The following ISM1 variants were observed in gnomAD, a reference collection of about 807,000 sequenced individuals.
ISM1 encodes the protein isthmin 1.
In ISM1, 25 loss-of-function variants were observed where a neutral mutation model predicts 46.3. The observed-to-expected ratio is 0.54, with a 90% CI of 0.39 to 0.75. ISM1 has a LOEUF of 0.75. Among genes scored for constraint, ISM1 ranks in the 30% least tolerant of loss-of-function variants. The pLI is 0.00. For synonymous variants in ISM1, 255 were observed against 256.7 expected (o/e 0.99, Z 0.06); for missense variants, 536 against 625.4 (o/e 0.86, Z 1.52).
At chr20:13,246,365 T>C (rs1371457177) in intron 1 of ISM1, among the ~76,000 whole-genome samples, 1 of 152,002 alleles carries the variant, frequency 6.6e-6, no homozygotes, top group Non-Finnish European at 1.5e-5. Flanking sequence ...TGAGTGAATA[T>C]TGCATTCTTC....
intron 2 of ISM1, among the ~76,000 whole-genome samples, chr20:13,276,805 G>A (rs375297946): frequency 2.6e-5 from 4 of 152,128 alleles, no homozygotes; most frequent in Admixed American, 1.3e-4. Context: ...ACGAGCCCTC[G>A]CCATTGGAGA....
chr20:13,262,823 C>G (rs2040002724), intron 1 of ISM1, among the ~76,000 whole-genome samples: 1 of 152,184 alleles, frequency 6.6e-6, no homozygotes, highest in African/African-American at 2.4e-5. Flanking sequence ...AGCTCCCTAC[C>G]CAAATGCAAA....
chr20:13,221,784 G>C lies in ISM1; in HGVS notation c.8G>C (p.Arg3Pro). 2 of 1,448,888 alleles carry C rather than the reference G, an allele frequency of 1.4e-6. No homozygotes were observed. The highest frequency in any genetic ancestry group is 1.8e-6 in the Non-Finnish European group (2 of 1,105,976). 89.8% of individuals were successfully genotyped at this position (1,448,888 alleles called of 1,614,324 possible). A position where few individuals can be genotyped will look rare whatever the true frequency, so the allele number is the denominator to read the frequency against. Residue 3 changes from arginine to proline, a missense_variant, in exon 1 of 6, where the codon CGC (arginine) becomes CCC (proline). Coordinates refer to ENST00000262487, the MANE Select transcript of ISM1 (RefSeq NM_080826.2). Reference protein sequence around the residue: MVRLAAELLLLLG... With the variant: MVPLAAELLLLLG... ...GCCGCGCGTCTCAAAAGGATGGTGC[G>C]CCTGGCGGCCGAGCTGCTGCTGCTG...
chr20:13,296,949 C>G (rs2040412681), intron 5 of ISM1, among the ~76,000 whole-genome samples: 1 of 152,080 alleles, frequency 6.6e-6, no homozygotes, highest in African/African-American at 2.4e-5. Context: ...ACCCGGGCAG[C>G]AGAGGTTGCA....
chr20:13,288,653 T>A lies in ISM1; in HGVS notation c.757T>A (p.Ser253Thr). Reference sequence around the variant, plus strand: ...TGGCTACGCGTGCACTGCAACAGAATCGAGGACCTGTGACCGTCCAAACTG... The same window carrying A: ...TGGCTACGCGTGCACTGCAACAGAAACGAGGACCTGTGACCGTCCAAACTG... ...SCGYACTATE[S>T]RTCDRPNCPG... The change falls in exon 4 of 6, where the codon TCG becomes ACG. Residue 253 changes from serine to threonine, a missense_variant. Coordinates refer to ENST00000262487, the MANE Select transcript of ISM1 (RefSeq NM_080826.2). 6.2e-7 allele frequency: 1 copy of A among 1,613,984 alleles called. No homozygotes were observed.
intron 1 of ISM1, among the ~76,000 whole-genome samples, chr20:13,264,522 C>T (rs1239888816): frequency 6.6e-6 from 1 of 152,124 alleles, no homozygotes; most frequent in Non-Finnish European, 1.5e-5. Flanking sequence ...CCTAATTTGC[C>T]CTGTGGCTTG....
Position 13,299,372 on chromosome 20 carries a change from C to T in ISM1, c.1308C>T (p.Ala436=), listed in dbSNP as rs780571258. Residue 436 remains alanine (A), a synonymous_variant, in exon 6 of 6, where the codon GCC becomes GCT. Coordinates refer to ENST00000262487, the MANE Select transcript of ISM1 (RefSeq NM_080826.2). This position sits in a 1 kb window ranked among gnomAD's most constrained non-coding sequence, Gnocchi z 5.8. ...CKGDWSRYNE[A]RPPNNGQKCT... ...GTGACTGGAGCAGGTATAACGAGGC[C>T]CGGCCTCCCAACAACGGACAGAAGT... 6.2e-7 allele frequency: 1 copy of T among 1,613,736 alleles called. No homozygotes were observed. The highest frequency in any genetic ancestry group is 1.1e-5 in the South Asian group (1 of 91,078).
At chr20:13,242,765 G>GGTGAGGTTGGCAGCCATAGCTT (rs796150582) in intron 1 of ISM1, among the ~76,000 whole-genome samples, 42 of 152,288 alleles carry the variant, frequency 2.8e-4, no homozygotes, top group African/African-American at 9.4e-4. Flanking sequence ...AGCCTTGATA[G>GGTGAGGTTGGCAGCCATAGCTT]GTGAGGTTGG....
chr20:13,280,040 G>A (rs937763682), intron 3 of ISM1, 142 bp downstream of exon 3: 35 of 778,124 alleles, frequency 4.5e-5, no homozygotes, highest in East Asian at 1.9e-4. Flanking sequence ...GCTGTCTTCC[G>A]CAGAAGCCCA....
chr20:13,280,147 G>T lies in ISM1; in HGVS notation c.643+249G>T, dbSNP rs534762379. ...TTATCCGAAGAGATAATTTTTTTAG[G>T]ATCTTTGGGGTTCTTTCTGCCTCCC... On this transcript the variant is annotated intron_variant, in intron 3 of 5. Coordinates refer to ENST00000262487, the MANE Select transcript of ISM1 (RefSeq NM_080826.2). Among the ~76,000 whole-genome samples, 74 of 152,172 alleles carry T rather than the reference G, an allele frequency of 4.9e-4. 1 individual carries two copies. Among genetic ancestry groups the T allele is most frequent in the African/African-American group, 1.5e-3 (63 of 41,512 alleles).
chr20:13,267,151 A>G (rs775966222), intron 1 of ISM1, among the ~76,000 whole-genome samples: 49 of 152,148 alleles, frequency 3.2e-4, no homozygotes, highest in Non-Finnish European at 6.0e-4. Context: ...CAATTTCTTA[A>G]CAGCTTGGGG....
At chr20:13,319,599 A>G in the ISM1 span, among the ~76,000 whole-genome samples, 5 of 152,224 alleles carry the variant, frequency 3.3e-5, no homozygotes, top group African/African-American at 1.2e-4. Flanking sequence ...CCCACATTCT[A>G]TCTCCTTTAT....
At chr20:13,239,600 G>A (rs1037794400) in intron 1 of ISM1, 1 of 152,172 alleles carries the variant, frequency 6.6e-6, no homozygotes, top group Non-Finnish European at 1.5e-5. Flanking sequence ...ATACACAAGG[G>A]TCACTGCACA....
chr20:13,245,103 A>G (rs1317980050), intron 1 of ISM1: 1 of 152,234 alleles, frequency 6.6e-6, no homozygotes, highest in Non-Finnish European at 1.5e-5. Flanking sequence ...TTGGTTAAAT[A>G]TCTTCCTTCC....
Position 13,278,053 on chromosome 20 carries a change from G to A in ISM1, c.379-1581G>A, listed in dbSNP as rs74594198. Among the ~76,000 whole-genome samples, 345 of 152,308 alleles carry A rather than the reference G, an allele frequency of 2.3e-3. 1 individual carries two copies. Among genetic ancestry groups the A allele is most frequent in the South Asian group, 3.5e-3 (17 of 4,824 alleles). The stretch of plus-strand genomic sequence containing the variant: ...CAGGTTAGGGCAAAAGTGGAAATGC[G>A]TCTGCCCAGTACATCTTGGGTTGAT... On this transcript the variant is annotated intron_variant, in intron 2 of 5. Transcript: ENST00000262487.
chr20:13,280,673 G>A (rs918345626), intron 3 of ISM1, among the ~76,000 whole-genome samples: 1 of 152,090 alleles, frequency 6.6e-6, no homozygotes, highest in African/African-American at 2.4e-5. Context: ...GCCTGGAGAA[G>A]GAACACACAC....
At chr20:13,287,302 G>C (rs2040304852) in intron 3 of ISM1, among the ~76,000 whole-genome samples, 1 of 152,130 alleles carries the variant, frequency 6.6e-6, no homozygotes, top group Non-Finnish European at 1.5e-5. Context: ...TTGTGCAGGG[G>C]AACTCCCATT....
intron 4 of ISM1, among the ~76,000 whole-genome samples, chr20:13,291,345 C>A (rs1331523909): frequency 2.0e-5 from 3 of 152,262 alleles, no homozygotes; most frequent in Middle Eastern, 3.4e-3. Context: ...TCGTTGATTC[C>A]CAGCTTTCCT....
intron 3 of ISM1, among the ~76,000 whole-genome samples, chr20:13,280,808 GA>G (rs2040231336): frequency 6.6e-6 from 1 of 152,206 alleles, no homozygotes; most frequent in African/African-American, 2.4e-5. Context: ...GTGTGTCCAA[GA>G]AAAAGAGGAA....
Sources: gnomAD v4.1 joint callset for allele counts (sites outside exome capture counted in the v4.1 genomes callset) on GRCh38, gnomAD v4.1.1 for gene constraint, Gnocchi (gnomAD v3.1) non-coding constraint, MANE v1.5 for transcripts, NCBI Gene and HGNC (gene_info 2026-07-23, HGNC 2026-07-21) for gene names.